The following CYP3A5 variants were observed in gnomAD, a reference collection of about 807,000 sequenced individuals.
CYP3A5 encodes cytochrome P450 3A5.
Under a neutral mutation model 55.9 loss-of-function variants are expected in CYP3A5, and 51 were observed. The ratio of observed to expected loss-of-function variants is 0.91; its 90% CI spans 0.73 to 1.15. CYP3A5 has a LOEUF of 1.15. CYP3A5 is among the 50% of genes most tolerant of loss of function. The pLI is 0.00. For missense variants in CYP3A5, 533 were observed against 596.6 expected (o/e 0.89, Z 1.11); for synonymous variants, 196 against 213.9 (o/e 0.92, Z 0.73).
intron 1 of CYP3A5, chr7:99,677,218 G>A (rs1812377596): frequency 4.1e-6 from 4 of 985,286 alleles, no homozygotes. Context: ...TCCCCCTCCG[G>A]TGTGACTGAG....
At chr7:99,678,488 G>A (rs1296663286) in intron 1 of CYP3A5, among the ~76,000 whole-genome samples, 1 of 152,126 alleles carries the variant, frequency 6.6e-6, no homozygotes, top group Non-Finnish European at 1.5e-5. Context: ...GGCCGGACAG[G>A]TATATTTGAA....
chr7:99,667,100 G>A lies in CYP3A5; in HGVS notation c.319-35C>T, dbSNP rs760763585. ...AACAGAAACATTTTTTCTCACATTA[G>A]TTGTGGTGATCTTCATGGTTGCACA... On this transcript the variant is annotated intron_variant, in intron 4 of 12. Transcript: ENST00000222982. The A allele has an allele frequency of 4.4e-6, 7 of 1,577,802 alleles. No homozygotes were observed. In the South Asian group the frequency reaches 7.9e-5, roughly 18 times the overall value.
chr7:99,667,310 G>T (rs1811131816), intron 4 of CYP3A5, among the ~76,000 whole-genome samples: 1 of 152,190 alleles, frequency 6.6e-6, no homozygotes, highest in African/African-American at 2.4e-5. Context: ...CTATATCTCA[G>T]TCTCCTTTTA....
chr7:99,678,653 G>A (rs1430906178), intron 1 of CYP3A5, among the ~76,000 whole-genome samples: 1 of 152,186 alleles, frequency 6.6e-6, no homozygotes, highest in East Asian at 1.9e-4. Flanking sequence ...GCTGGAAATA[G>A]TCTATCTCCA....
chr7:99,660,327 C>T, intron 10 of CYP3A5, 172 bp downstream of exon 10: 3 of 1,227,942 alleles, frequency 2.4e-6, no homozygotes, highest in Non-Finnish European at 3.1e-6. Context: ...CTGCCAGTAG[C>T]AACCGTTCTC....
intron 1 of CYP3A5, among the ~76,000 whole-genome samples, chr7:99,677,739 G>A (rs1221171110): frequency 2.0e-5 from 3 of 152,226 alleles, no homozygotes; most frequent in Non-Finnish European, 4.4e-5. Context: ...GCCAAAGCCA[G>A]GGTGGCCTTG....
intron 1 of CYP3A5, among the ~76,000 whole-genome samples, chr7:99,676,991 C>T (rs766716382): frequency 6.6e-6 from 1 of 152,152 alleles, no homozygotes; most frequent in Non-Finnish European, 1.5e-5. Context: ...TAATACTTCT[C>T]AGGTCATACT....
chr7:99,654,001 T>A (rs570777192), intron 10 of CYP3A5, among the ~76,000 whole-genome samples: 5 of 151,932 alleles, frequency 3.3e-5, no homozygotes, highest in Non-Finnish European at 7.4e-5. Flanking sequence ...CAGACCAGAG[T>A]GAGTCCAGTC....
rs545243439 is a variant in CYP3A5 at position 99,676,500 on chromosome 7, A to G, written c.72-292T>C. The G allele has an allele frequency of 3.2e-4, 447 of 1,389,908 alleles. 5 individuals are homozygous for G. The South Asian group carries it at 5.0e-3, about 15-fold the overall frequency. 86.1% of individuals were successfully genotyped at this position (1,389,908 alleles called of 1,614,324 possible). The stretch of plus-strand genomic sequence containing the variant: ...TCAAATGCTCCTGAGAGGTTCAGGC[A>G]GGAATTCTTCCAGGACACTTCATTT... On this transcript the variant is annotated intron_variant, in intron 1 of 12. Coordinates refer to ENST00000222982, the MANE Select transcript of CYP3A5 (RefSeq NM_000777.5).
chr7:99,648,481 G>A (rs1808838250), intron 12 of CYP3A5, 81 bp from the exon 13 acceptor site: 2 of 806,360 alleles, frequency 2.5e-6, no homozygotes, highest in Admixed American at 2.5e-5. Context: ...GAAAAAATAT[G>A]ACAAAAATGC....
intron 10 of CYP3A5, among the ~76,000 whole-genome samples, chr7:99,655,520 C>G (rs924744890): frequency 4.6e-5 from 7 of 152,172 alleles, no homozygotes; most frequent in African/African-American, 9.7e-5. Flanking sequence ...CATGATGCCT[C>G]CGGCTTTGTT....
At chr7:99,678,949 G>A (rs1266116548) in intron 1 of CYP3A5, among the ~76,000 whole-genome samples, 1 of 152,160 alleles carries the variant, frequency 6.6e-6, no homozygotes, top group East Asian at 1.9e-4. Context: ...ACCAGTGAGA[G>A]GGTTTGCCCT....
chr7:99,661,987 A>C (rs1027690759), intron 9 of CYP3A5, among the ~76,000 whole-genome samples: 8 of 152,244 alleles, frequency 5.3e-5, no homozygotes, highest in Non-Finnish European at 1.5e-5. Flanking sequence ...TTCTATATGA[A>C]ACAGTGAAAT....
chr7:99,660,645 C>G lies in CYP3A5; in HGVS notation c.880G>C (p.Glu294Gln). 1 of 1,613,696 alleles carries G rather than the reference C, an allele frequency of 6.2e-7. No individual in the cohort carries two copies. The highest frequency in any genetic ancestry group is 1.7e-5 in the Admixed American group (1 of 59,996). ...TESHKALSDL[E>Q]LAAQSIIFIF... ...AAGATTATTGACTGGGCTGCGAGCT[C>G]CAGATCAGACAGAGCTGAAAGGAGA... is the stretch of plus-strand genomic sequence containing the variant. Residue 294 changes from glutamate to glutamine, a missense_variant, in exon 10 of 13, where the codon GAG becomes CAG. Physicochemically the swap from Glu to Gln is conservative, Grantham distance 29. Transcript: ENST00000222982.
At chr7:99,654,994 G>C (rs1041938016) in intron 10 of CYP3A5, among the ~76,000 whole-genome samples, 2 of 152,136 alleles carry the variant, frequency 1.3e-5, no homozygotes, top group Admixed American at 1.3e-4. Context: ...TGTCAGATGA[G>C]TAGGTTGCAA....
chr7:99,667,813 T>TA (rs1811189215), intron 4 of CYP3A5, among the ~76,000 whole-genome samples: 1 of 152,136 alleles, frequency 6.6e-6, no homozygotes, highest in African/African-American at 2.4e-5. Context: ...AGACAATCTG[T>TA]AAAAAAATCA....
Position 99,652,641 on chromosome 7 carries a change from G to A in CYP3A5, c.1165C>T (p.Pro389Ser), listed in dbSNP as rs765108001. 17 of 1,614,072 alleles carry A rather than the reference G, an allele frequency of 1.1e-5. No homozygotes were observed. Among genetic ancestry groups the A allele is most frequent in the Middle Eastern group, 1.6e-4 (1 of 6,062 alleles). ...GGAATCACCACCATTGACCCTTTGG[G>A]AATGAATACCCCATTGATTTCAACA... is the stretch of plus-strand genomic sequence containing the variant. ...KDVEINGVFIPKGSMVVIPTY... is the reference protein window; with the variant it reads ...KDVEINGVFISKGSMVVIPTY... The change falls in exon 11 of 13, where the codon CCC becomes TCC. Residue 389 changes from proline (P) to serine (S), a missense_variant. Physicochemically the swap from Pro to Ser is moderately conservative, Grantham distance 74 (BLOSUM62 -1). Transcript: ENST00000222982.
chr7:99,659,221 A>G (rs7780328), intron 10 of CYP3A5: 36,350 of 151,880 alleles, frequency 0.24, 8,133 homozygotes, highest in African/African-American at 0.58. Context: ...TCTACCTTTG[A>G]TCTTTGATGA....
In CYP3A5 at chr7:99,676,015, A is replaced by G. The variant is rs1812237359; in HGVS notation, c.165+100T>C. 3 of 999,230 alleles carry G rather than the reference A, an allele frequency of 3.0e-6. No individual in the cohort carries two copies. The African/African-American group carries it at 4.8e-5, about 16-fold the overall frequency. 61.9% of individuals were successfully genotyped at this position (999,230 alleles called of 1,614,324 possible). A position where few individuals can be genotyped will look rare whatever the true frequency, so the allele number is the denominator to read the frequency against. Reference sequence around the variant, plus strand: ...CAGTCCCACCATTTCTGAAAATGTGAAACCTCAGAACTCCCTCCCAAGGAG... The same window carrying G: ...CAGTCCCACCATTTCTGAAAATGTGGAACCTCAGAACTCCCTCCCAAGGAG... On this transcript the variant is annotated intron_variant, in intron 2 of 12. Coordinates refer to ENST00000222982, the MANE Select transcript of CYP3A5 (RefSeq NM_000777.5).
Sources: allele counts gnomAD v4.1 joint callset (sites outside exome capture counted in the v4.1 genomes callset), GRCh38; gene constraint gnomAD v4.1.1; transcripts MANE v1.5; gene names NCBI Gene and HGNC (gene_info 2026-07-23, HGNC 2026-07-21).